The following DMD variants were observed in gnomAD, a reference collection of about 807,000 sequenced individuals.
DMD encodes dystrophin, also known as mutant dystrophin.
DMD carries 63 observed loss-of-function variants against 330.1 expected under a neutral mutation model. That is an observed-to-expected ratio of 0.19 (90% CI 0.16 to 0.24). The LOEUF (loss-of-function observed/expected upper bound fraction) is 0.24, where lower values mean the gene tolerates loss of function less well. Ranked by LOEUF, DMD falls within the 10% of genes least tolerant of loss-of-function variation. The pLI, the probability that DMD is intolerant of heterozygous loss-of-function variation, is 1.00. For synonymous variants in DMD, 1,223 were observed against 959.8 expected, an observed-to-expected ratio of 1.27 and a Z score of -5.07; for missense variants, 3,344 against 2,684.1, an observed-to-expected ratio of 1.25 and a Z score of -5.43.
intron 43 of DMD, among the ~76,000 whole-genome samples, chrX:32,258,572 CA>C (rs1001672244): frequency 1.8e-5 from 2 of 110,447 alleles, no homozygotes; most frequent in Non-Finnish European, 1.9e-5. Context: ...AACAGAAAAC[CA>C]AACACCACAT....
intron 25 of DMD, among the ~76,000 whole-genome samples, chrX:32,459,153 G>A (rs2098373396): frequency 1.8e-5 from 2 of 110,804 alleles, no homozygotes; most frequent in South Asian, 7.6e-4. Flanking sequence ...TAGATCTTAG[G>A]AGCTCTTATC....
intron 48 of DMD, among the ~76,000 whole-genome samples, chrX:31,842,162 C>T (rs889950865): frequency 9.0e-6 from 1 of 111,237 alleles, no homozygotes; most frequent in Non-Finnish European, 1.9e-5. Flanking sequence ...TATGAGGGTC[C>T]AAGACTTTAG....
intron 56 of DMD, among the ~76,000 whole-genome samples, chrX:31,499,086 T>C (rs1365739756): frequency 9.0e-6 from 1 of 111,652 alleles, no homozygotes; most frequent in African/African-American, 3.3e-5. Flanking sequence ...GCAGGACATA[T>C]TGAAAAGTAG....
In DMD at chrX:32,014,470, C is replaced by T. The variant is rs751866530; in HGVS notation, c.6439-45956G>A. Among the ~76,000 whole-genome samples the T allele has an allele frequency of 1.1e-4, 12 of 111,355 alleles. No homozygotes were observed. The East Asian group carries it at 3.4e-3, about 32-fold the overall frequency. On this transcript the variant is annotated intron_variant, in intron 44 of 78. Coordinates refer to ENST00000357033, the MANE Select transcript of DMD (RefSeq NM_004006.3). ...ATCAAGTACGTGAGACAAATATGAG[C>T]CTTCGGTACAACTAGAGTAGATTTA...
At chrX:31,700,626 A>G (rs1373159949) in intron 52 of DMD, among the ~76,000 whole-genome samples, 1 of 112,193 alleles carries the variant, frequency 8.9e-6, no homozygotes, top group Non-Finnish European at 1.9e-5. Context: ...ATAATAGATT[A>G]TGAAAAAATA....
At chrX:32,107,589 G>T (rs1474718392) in intron 44 of DMD, among the ~76,000 whole-genome samples, 1 of 110,549 alleles carries the variant, frequency 9.0e-6, no homozygotes, top group East Asian at 2.9e-4. Flanking sequence ...CCATGTCCCA[G>T]TTTGAAGGCA....
chrX:31,266,989 G>C (rs1464755493), intron 62 of DMD: 42 of 857,792 alleles, frequency 4.9e-5, no homozygotes, highest in African/African-American at 1.3e-4. Context: ...GGGAGGGGGC[G>C]CTGCGGGCAG....
At chrX:32,908,119 G>A (rs943532369) in intron 2 of DMD, among the ~76,000 whole-genome samples, 2 of 111,890 alleles carry the variant, frequency 1.8e-5, no homozygotes, top group Admixed American at 9.5e-5. Flanking sequence ...CAAACATGCC[G>A]ATAATTTAAA....
At chrX:32,736,097 T>C (rs1368294898) in intron 7 of DMD, among the ~76,000 whole-genome samples, 1 of 111,834 alleles carries the variant, frequency 8.9e-6, no homozygotes, top group Non-Finnish European at 1.9e-5. Flanking sequence ...CATCAAAAAG[T>C]GGGCGAAGGA....
intron 7 of DMD, among the ~76,000 whole-genome samples, chrX:32,781,649 A>C (rs2074773305): frequency 9.1e-6 from 1 of 109,834 alleles, no homozygotes; most frequent in Admixed American, 9.9e-5. Context: ...TCTCTCCTGC[A>C]ACCAAATTTC....
chrX:31,743,574 T>G (rs183605915), intron 51 of DMD, among the ~76,000 whole-genome samples: 61 of 112,067 alleles, frequency 5.4e-4, no homozygotes, highest in African/African-American at 1.8e-3. Flanking sequence ...AGGCCATTAT[T>G]CTAAGTGAAT....
chrX:32,902,158 A>AACACACAC (rs774414536), intron 2 of DMD, among the ~76,000 whole-genome samples: 5,349 of 86,537 alleles, frequency 0.062, 247 homozygotes, highest in Admixed American at 0.12. Flanking sequence ...CACACACACA[A>AACACACAC]ACACACACAC....
intron 16 of DMD, among the ~76,000 whole-genome samples, chrX:32,555,933 G>T (rs754454971): frequency 1.8e-5 from 2 of 111,412 alleles, no homozygotes; most frequent in Admixed American, 1.9e-4. Flanking sequence ...GAGGAAAATG[G>T]CAAAAGCAAC....
At chrX:32,291,369 C>T (rs2097467400) in intron 42 of DMD, among the ~76,000 whole-genome samples, 1 of 112,041 alleles carries the variant, frequency 8.9e-6, no homozygotes, top group Admixed American at 9.5e-5. Flanking sequence ...TTATTTTCTC[C>T]ATAAATACTT....
intron 62 of DMD, among the ~76,000 whole-genome samples, chrX:31,312,203 C>T (rs928371742): frequency 1.2e-4 from 14 of 112,125 alleles, no homozygotes; most frequent in Admixed American, 1.9e-4. Flanking sequence ...TTTCAATCTA[C>T]CCATCTGACA....
At chrX:32,790,411 C>G (rs2075731106) in intron 7 of DMD, among the ~76,000 whole-genome samples, 1 of 111,413 alleles carries the variant, frequency 9.0e-6, no homozygotes, top group Non-Finnish European at 1.9e-5. Flanking sequence ...GCCCCCAAAC[C>G]AACACACAGC....
chrX:31,337,755 G>T (rs2692974), intron 61 of DMD, among the ~76,000 whole-genome samples: 50,877 of 110,476 alleles, frequency 0.46, 8,376 homozygotes, highest in East Asian at 0.7. Flanking sequence ...CTGGTCTCTT[G>T]GCCCTAGCTC....
intron 44 of DMD, among the ~76,000 whole-genome samples, chrX:32,011,538 G>C (rs1199065358): frequency 1.8e-5 from 2 of 111,608 alleles, no homozygotes; most frequent in African/African-American, 3.3e-5. Flanking sequence ...ACGGAATTCA[G>C]GGTATTTCTC....
At chrX:31,888,605 G>A (rs1376103895) in intron 47 of DMD, among the ~76,000 whole-genome samples, 1 of 111,710 alleles carries the variant, frequency 9.0e-6, no homozygotes, top group East Asian at 2.8e-4. Context: ...ATAAATTAAT[G>A]TCACTGGAGA....
Sources: gnomAD v4.1 joint callset for allele counts (sites outside exome capture counted in the v4.1 genomes callset) on GRCh38, gnomAD v4.1.1 for gene constraint, MANE v1.5 for transcripts, NCBI Gene and HGNC (gene_info 2026-07-23, HGNC 2026-07-21) for gene names.